CIMIP5: variants seen among roughly 807,000 people sequenced by gnomAD.
CIMIP5 encodes the protein uncharacterized protein C2orf50.
chr2:11,138,576 G>A, the CIMIP5 span, among the ~76,000 whole-genome samples: 3 of 150,152 alleles, frequency 2.0e-5, no homozygotes, highest in South Asian at 4.2e-4. Flanking sequence ...CACCCAAATC[G>A]CATGTTGAAT....
At chr2:11,135,590 C>T in the CIMIP5 span, among the ~76,000 whole-genome samples, 1 of 151,704 alleles carries the variant, frequency 6.6e-6, no homozygotes, top group African/African-American at 2.4e-5. Flanking sequence ...TCCACCATGC[C>T]TGGCTAATTT....
At chr2:11,134,277 G>T in the CIMIP5 span, among the ~76,000 whole-genome samples, 2 of 152,188 alleles carry the variant, frequency 1.3e-5, no homozygotes, top group South Asian at 2.1e-4. Context: ...GAGTGAGGAA[G>T]GCCACAGGAT....
At chr2:11,150,718 G>C in the CIMIP5 span, among the ~76,000 whole-genome samples, 1 of 151,884 alleles carries the variant, frequency 6.6e-6, no homozygotes, top group South Asian at 2.1e-4. Flanking sequence ...ACTAAGCTAA[G>C]GGAAAAGTCA....
At chr2:11,138,498 C>T in the CIMIP5 span, among the ~76,000 whole-genome samples, 34 of 152,200 alleles carry the variant, frequency 2.2e-4, no homozygotes, top group Admixed American at 1.8e-3. Flanking sequence ...AATAGAAAGT[C>T]GATAGATAAG....
the CIMIP5 span, among the ~76,000 whole-genome samples, chr2:11,142,875 C>A: frequency 1.3e-5 from 2 of 151,836 alleles, no homozygotes; most frequent in African/African-American, 4.8e-5. Context: ...CACGTGCCCC[C>A]ACACCCAACT....
chr2:11,142,116 A>G, the CIMIP5 span, among the ~76,000 whole-genome samples: 1 of 152,040 alleles, frequency 6.6e-6, no homozygotes, highest in Non-Finnish European at 1.5e-5. Flanking sequence ...AAATACAAAA[A>G]TTAGCCGGGT....
chr2:11,134,149 C>T, the CIMIP5 span, among the ~76,000 whole-genome samples: 2 of 152,042 alleles, frequency 1.3e-5, no homozygotes, highest in African/African-American at 4.8e-5. Flanking sequence ...GGGGCAGAGC[C>T]GGCTGAAGGC....
the CIMIP5 span, among the ~76,000 whole-genome samples, chr2:11,142,266 C>CAAAAA: frequency 1.2e-5 from 1 of 84,636 alleles, no homozygotes; most frequent in Non-Finnish European, 2.4e-5. Context: ...AATTCAGTCT[C>CAAAAA]AAAAAAAAAA....
At chr2:11,147,351 G>A in the CIMIP5 span, among the ~76,000 whole-genome samples, 1 of 152,212 alleles carries the variant, frequency 6.6e-6, no homozygotes, top group African/African-American at 2.4e-5. Context: ...GAAGAAGACA[G>A]ATTTAAGGGC....
At chr2:11,153,951 TTTC>T in the CIMIP5 span, among the ~76,000 whole-genome samples, 1 of 151,996 alleles carries the variant, frequency 6.6e-6, no homozygotes, top group Non-Finnish European at 1.5e-5. Flanking sequence ...TCTTCTCTAT[TTTC>T]TTCTTCAAAA....
the CIMIP5 span, among the ~76,000 whole-genome samples, chr2:11,153,280 C>A: frequency 6.6e-6 from 1 of 152,198 alleles, no homozygotes; most frequent in Non-Finnish European, 1.5e-5. Context: ...CCAGGAGCAG[C>A]ATTTGTTCCA....
the CIMIP5 span, among the ~76,000 whole-genome samples, chr2:11,140,065 T>A: frequency 1.2e-4 from 15 of 122,562 alleles, no homozygotes; most frequent in Non-Finnish European, 1.6e-4. Context: ...TCAGCCTAGG[T>A]GACAGAGCGA....
chr2:11,144,112 G>A, the CIMIP5 span: 1 of 1,574,296 alleles, frequency 6.4e-7, no homozygotes, highest in Admixed American at 1.8e-5. Context: ...GCCCATCTAG[G>A]AGCAAGGAGG....
chr2:11,141,494 G>C, the CIMIP5 span, among the ~76,000 whole-genome samples: 1 of 152,054 alleles, frequency 6.6e-6, no homozygotes, highest in Non-Finnish European at 1.5e-5. Flanking sequence ...CTTCCACCTG[G>C]TCAGCCTGAT....
chr2:11,144,417 A>C, the CIMIP5 span: 2 of 211,712 alleles, frequency 9.4e-6, no homozygotes, highest in Non-Finnish European at 1.9e-5. Flanking sequence ...CTGGGTTCAA[A>C]TCCAGCTTGT....
chr2:11,152,098 G>A, the CIMIP5 span, among the ~76,000 whole-genome samples: 2 of 152,202 alleles, frequency 1.3e-5, no homozygotes, highest in African/African-American at 4.8e-5. Context: ...CCAAATAATT[G>A]GTCTGGGTGG....
At chr2:11,150,640 A>AT in the CIMIP5 span, among the ~76,000 whole-genome samples, 57,390 of 148,666 alleles carry the variant, frequency 0.39, 11,458 homozygotes, top group South Asian at 0.49. Flanking sequence ...TGGTTTAGGA[A>AT]TTTTTTTTTT....
chr2:11,144,147 G>A, the CIMIP5 span: 30 of 1,519,042 alleles, frequency 2.0e-5, no homozygotes, highest in Non-Finnish European at 2.6e-5. Context: ...CCCCAGGTGG[G>A]TGTGGGTGGG....
chr2:11,134,706 A>G, the CIMIP5 span, among the ~76,000 whole-genome samples: 1 of 152,126 alleles, frequency 6.6e-6, no homozygotes, highest in Non-Finnish European at 1.5e-5. Context: ...TTCATTTGTC[A>G]ATGGACTTTT....
Sources: allele counts gnomAD v4.1 joint callset (sites outside exome capture counted in the v4.1 genomes callset), GRCh38; gene constraint gnomAD v4.1.1; transcripts MANE v1.5; gene names NCBI Gene and HGNC (gene_info 2026-07-23, HGNC 2026-07-21).